KCNIP4: variants seen among roughly 807,000 people sequenced by gnomAD.
KCNIP4 encodes the protein Kv channel-interacting protein 4.
In KCNIP4, 12 loss-of-function variants were observed where a neutral mutation model predicts 34.0. The observed-to-expected ratio is 0.35, with a 90% confidence interval of 0.23 to 0.57. KCNIP4 has a LOEUF of 0.57. Ranked by LOEUF, KCNIP4 falls within the 20% of genes least tolerant of loss-of-function variation. KCNIP4 has a pLI of 0.83. For synonymous variants in KCNIP4, 124 were observed against 102.2 expected (o/e 1.21, Z -1.29); for missense variants, 238 against 311.7 (o/e 0.76, Z 1.78).
At chr4:21,120,844 C>T (rs1217762309) in intron 1 of KCNIP4, among the ~76,000 whole-genome samples, 3 of 152,148 alleles carry the variant, frequency 2.0e-5, no homozygotes, top group South Asian at 2.1e-4. Flanking sequence ...TAAGGCCCAC[C>T]TCAATGACTT....
At chr4:21,787,994 AG>A (rs1283974610) in intron 1 of KCNIP4, among the ~76,000 whole-genome samples, 1 of 145,436 alleles carries the variant, frequency 6.9e-6, no homozygotes, top group Non-Finnish European at 1.5e-5. Context: ...AAAAAAAAAA[AG>A]AGAGATGGCT....
intron 1 of KCNIP4, among the ~76,000 whole-genome samples, chr4:21,771,877 T>A (rs11734604): frequency 0.25 from 37,894 of 151,410 alleles, 8,131 homozygotes; most frequent in African/African-American, 0.59. Context: ...CAAACAGAAA[T>A]ATTGACCTCT....
intron 1 of KCNIP4, among the ~76,000 whole-genome samples, chr4:21,524,926 C>A (rs564956368): frequency 1.3e-5 from 2 of 152,236 alleles, no homozygotes; most frequent in African/African-American, 4.8e-5. Flanking sequence ...ATACTATGTG[C>A]AAAGAAGTCA....
At chr4:21,287,892 A>T (rs1161708289) in intron 1 of KCNIP4, among the ~76,000 whole-genome samples, 1 of 152,210 alleles carries the variant, frequency 6.6e-6, no homozygotes, top group Non-Finnish European at 1.5e-5. Context: ...GAAGAAACAA[A>T]TACTATAAAA....
At chr4:20,877,970 CT>C (rs10713065) in intron 2 of KCNIP4, among the ~76,000 whole-genome samples, 4,491 of 148,338 alleles carry the variant, frequency 0.03, 213 homozygotes, top group African/African-American at 0.1. Flanking sequence ...TTCTCTCTCT[CT>C]TTTTTTTTTT....
intron 3 of KCNIP4, 60 bp from the exon 4 acceptor site, chr4:20,758,950 G>T: frequency 2.1e-6 from 3 of 1,400,658 alleles, no homozygotes; most frequent in Non-Finnish European, 2.0e-6. Flanking sequence ...AATTTTTTTT[G>T]CACATTTTGA....
chr4:21,127,207 T>C (rs946298351), intron 1 of KCNIP4, among the ~76,000 whole-genome samples: 1 of 152,198 alleles, frequency 6.6e-6, no homozygotes, highest in African/African-American at 2.4e-5. Context: ...TCAGTTCTCT[T>C]ACAGGGCAAT....
intron 1 of KCNIP4, among the ~76,000 whole-genome samples, chr4:21,719,997 AAAGAAAAAG>A (rs1223263566): frequency 1.5e-4 from 13 of 83,938 alleles, no homozygotes; most frequent in African/African-American, 8.9e-4. Flanking sequence ...AGGAAGAAGA[AAAGAAAAAG>A]AAGAAGAAGA....
chr4:21,331,910 G>A (rs1201565190), intron 1 of KCNIP4, among the ~76,000 whole-genome samples: 4 of 152,074 alleles, frequency 2.6e-5, no homozygotes, highest in Non-Finnish European at 4.4e-5. Context: ...TTTGTGGGAA[G>A]AGACATGATC....
At chr4:20,828,805 T>C (rs1250636793) in intron 3 of KCNIP4, among the ~76,000 whole-genome samples, 1 of 152,198 alleles carries the variant, frequency 6.6e-6, no homozygotes, top group Non-Finnish European at 1.5e-5. Context: ...TAAAAGATTT[T>C]TGATGTATGG....
At chr4:21,018,641 C>A (rs2149743941) in intron 1 of KCNIP4, among the ~76,000 whole-genome samples, 1 of 152,282 alleles carries the variant, frequency 6.6e-6, no homozygotes, top group East Asian at 1.9e-4. Flanking sequence ...CTTCCACCAA[C>A]TTCCCTTCCC....
At chr4:21,878,504 C>T (rs903736082) in intron 1 of KCNIP4, among the ~76,000 whole-genome samples, 1 of 152,140 alleles carries the variant, frequency 6.6e-6, no homozygotes, top group East Asian at 1.9e-4. Flanking sequence ...CATTCTTTCA[C>T]CTACTACCAT....
At position 21,622,849 on chromosome 4, in the gene KCNIP4, C is replaced by A. The variant is rs1055259381; in HGVS notation, c.61+325722G>T. On this transcript the variant is annotated intron_variant, in intron 1 of 8. Coordinates refer to ENST00000382152, the MANE Select transcript of KCNIP4 (RefSeq NM_025221.6). ...TGAATTGTCAGGGCAGGTTATACTT[C>A]ACAAAATCAAATCAATTTCTGTGAC... Among the ~76,000 whole-genome samples the A allele has an allele frequency of 7.9e-5, 12 of 152,298 alleles. No individual in the cohort carries two copies. The South Asian group carries it at 2.3e-3, about 29-fold the overall frequency.
intron 3 of KCNIP4, among the ~76,000 whole-genome samples, chr4:20,776,828 G>T (rs1009072552): frequency 6.6e-6 from 1 of 152,052 alleles, no homozygotes; most frequent in Non-Finnish European, 1.5e-5. Context: ...TAATACATAG[G>T]AGCACAGTTA....
At chr4:21,845,819 T>C (rs1578062526) in intron 1 of KCNIP4, 1 of 152,224 alleles carries the variant, frequency 6.6e-6, no homozygotes, top group East Asian at 1.9e-4. Flanking sequence ...CATTCGACTT[T>C]GAAATATCTT....
chr4:21,700,559 G>GT lies in KCNIP4; in HGVS notation c.61+248011dup, dbSNP rs540832640. 9.5e-3 allele frequency among the ~76,000 whole-genome samples: 1,381 copies of GT among 145,414 alleles called. 10 individuals carry two copies. Among genetic ancestry groups the GT allele is most frequent in the Non-Finnish European group, 0.011 (755 of 67,614 alleles). ...GTTATCTTTTCACTGTGTTTTTGTTGTTTTTTTTTGTTTGTTTTTTGCTGT... is the reference window on the plus strand; with the variant it reads ...GTTATCTTTTCACTGTGTTTTTGTTGTTTTTTTTTTGTTTGTTTTTTGCTGT... On this transcript the variant is annotated intron_variant, in intron 1 of 8. Coordinates refer to ENST00000382152, the MANE Select transcript of KCNIP4 (RefSeq NM_025221.6).
At chr4:21,469,564 C>A (rs943380238) in intron 1 of KCNIP4, among the ~76,000 whole-genome samples, 2 of 152,006 alleles carry the variant, frequency 1.3e-5, no homozygotes, top group African/African-American at 4.8e-5. Flanking sequence ...ACGTTTTGTA[C>A]AAATAACTTG....
At chr4:21,423,803 T>C (rs1346947105) in intron 1 of KCNIP4, among the ~76,000 whole-genome samples, 2 of 146,778 alleles carry the variant, frequency 1.4e-5, no homozygotes, top group African/African-American at 2.5e-5. Context: ...ATATGACTTA[T>C]GAGAATTTTT....
At chr4:21,857,414 A>G (rs984875878) in intron 1 of KCNIP4, among the ~76,000 whole-genome samples, 1 of 152,092 alleles carries the variant, frequency 6.6e-6, no homozygotes, top group Non-Finnish European at 1.5e-5. Flanking sequence ...AGCTGTGGAG[A>G]GGAGCTACCC....
Sources: allele counts gnomAD v4.1 joint callset (sites outside exome capture counted in the v4.1 genomes callset), GRCh38; gene constraint gnomAD v4.1.1; transcripts MANE v1.5; gene names NCBI Gene and HGNC (gene_info 2026-07-23, HGNC 2026-07-21).